The following CRPPA variants were observed in gnomAD, a reference collection of about 807,000 sequenced individuals.
CRPPA encodes the protein D-ribitol-5-phosphate cytidylyltransferase.
CRPPA carries 43 observed loss-of-function variants against 52.0 expected under a neutral mutation model. That is an observed-to-expected ratio of 0.83 (90% confidence interval 0.65 to 1.07). The LOEUF is 1.07. CRPPA is among the 50% of genes least tolerant of loss of function. CRPPA has a pLI of 0.00. For synonymous variants in CRPPA, 250 were observed against 203.5 expected (o/e 1.23, Z -1.94); for missense variants, 629 against 551.7 (o/e 1.14, Z -1.40).
chr7:16,158,485 A>T (rs1783234847), intron 9 of CRPPA, among the ~76,000 whole-genome samples: 1 of 152,156 alleles, frequency 6.6e-6, no homozygotes, highest in Non-Finnish European at 1.5e-5. Flanking sequence ...TATTAATAGA[A>T]CAGGGACAGG....
chr7:16,241,800 T>TA (rs1783114716), intron 8 of CRPPA, among the ~76,000 whole-genome samples: 1 of 152,130 alleles, frequency 6.6e-6, no homozygotes, highest in African/African-American at 2.4e-5. Flanking sequence ...AAAAAACACA[T>TA]ATAGTTCGTT....
chr7:16,128,872 A>C (rs189580119), intron 9 of CRPPA, among the ~76,000 whole-genome samples: 2 of 152,310 alleles, frequency 1.3e-5, no homozygotes, highest in East Asian at 3.9e-4. Flanking sequence ...GAAGAATATA[A>C]TAACAGAAGC....
In CRPPA at chr7:16,137,054, C is replaced by G. The variant is rs1328147414; in HGVS notation, c.1252-45255G>C. On this transcript the variant is annotated intron_variant, in intron 9 of 9. Coordinates refer to ENST00000407010, the MANE Select transcript of CRPPA (RefSeq NM_001101426.4). ...TTTCAACCTTTTTGATGTGGTTAACCACGAGCTATGGGCTCAATATTTGTG... is the reference window on the plus strand; with the variant it reads ...TTTCAACCTTTTTGATGTGGTTAACGACGAGCTATGGGCTCAATATTTGTG... 2.0e-5 allele frequency among the ~76,000 whole-genome samples: 3 copies of G among 152,326 alleles called. No homozygotes were observed. In the East Asian group the frequency reaches 5.8e-4, roughly 29 times the overall value.
intron 9 of CRPPA, among the ~76,000 whole-genome samples, chr7:16,114,197 T>C (rs780192461): frequency 1.3e-5 from 2 of 150,112 alleles, no homozygotes; most frequent in Non-Finnish European, 3.0e-5. Context: ...GAAATTGGAG[T>C]AAAAACAAAG....
In CRPPA at chr7:16,342,772, A is replaced by ATATAT. The variant is rs372907234; in HGVS notation, c.684+33319_684+33320insATATA. 3.3e-4 allele frequency among the ~76,000 whole-genome samples: 12 copies of ATATAT among 36,732 alleles called. 2 individuals are homozygous for ATATAT. Among genetic ancestry groups the ATATAT allele is most frequent in the African/African-American group, 2.2e-3 (12 of 5,438 alleles). The allele number at this position is 36,732 out of a possible 152,430, so 24.1% of individuals were successfully genotyped here. On this transcript the variant is annotated intron_variant, in intron 3 of 9. Coordinates refer to ENST00000407010, the MANE Select transcript of CRPPA (RefSeq NM_001101426.4). ...ATGAACCCTGTCTCCACAAAAAAAA[A>ATATAT]AAAAAAAAAAATATATATATATATA...
At chr7:16,311,340 T>TA (rs946743074) in intron 3 of CRPPA, among the ~76,000 whole-genome samples, 3 of 152,108 alleles carry the variant, frequency 2.0e-5, no homozygotes, top group African/African-American at 7.2e-5. Flanking sequence ...TATCTATACA[T>TA]ACCTCCGGCC....
intron 9 of CRPPA, among the ~76,000 whole-genome samples, chr7:16,163,570 G>A (rs1780968237): frequency 6.6e-6 from 1 of 152,038 alleles, no homozygotes; most frequent in Non-Finnish European, 1.5e-5. Flanking sequence ...GATACTAGCT[G>A]GTTATTTTGC....
At chr7:16,132,569 G>A (rs1188872968) in intron 9 of CRPPA, among the ~76,000 whole-genome samples, 1 of 124,628 alleles carries the variant, frequency 8.0e-6, no homozygotes, top group Admixed American at 8.1e-5. Flanking sequence ...AAGAGATTGA[G>A]TAAATGATTT....
chr7:16,188,328 C>T (rs1781545521), intron 9 of CRPPA, among the ~76,000 whole-genome samples: 1 of 151,806 alleles, frequency 6.6e-6, no homozygotes, highest in African/African-American at 2.4e-5. Context: ...ATGGTGTGAG[C>T]AAAGAGATGA....
intron 3 of CRPPA, among the ~76,000 whole-genome samples, chr7:16,372,526 C>A (rs1412414502): frequency 6.6e-6 from 1 of 152,050 alleles, no homozygotes; most frequent in East Asian, 1.9e-4. Context: ...CAAACCAGCA[C>A]TACAAGAAAT....
At chr7:16,277,025 C>G (rs1470825640) in intron 6 of CRPPA, 1 of 152,128 alleles carries the variant, frequency 6.6e-6, no homozygotes, top group Admixed American at 6.6e-5. Context: ...AATTATAGTT[C>G]AAATGCATTG....
At chr7:16,382,122 G>T (rs1043779261) in intron 2 of CRPPA, among the ~76,000 whole-genome samples, 7 of 152,032 alleles carry the variant, frequency 4.6e-5, no homozygotes, top group Non-Finnish European at 8.8e-5. Flanking sequence ...TTTTGCAGTG[G>T]CTGGTACCGG....
At chr7:16,246,417 T>A (rs1165158717) in intron 8 of CRPPA, among the ~76,000 whole-genome samples, 1 of 152,192 alleles carries the variant, frequency 6.6e-6, no homozygotes, top group Non-Finnish European at 1.5e-5. Context: ...TCCATGAGGT[T>A]TGGATTATGA....
chr7:16,246,428 C>T (rs1783276307), intron 8 of CRPPA, among the ~76,000 whole-genome samples: 2 of 152,106 alleles, frequency 1.3e-5, no homozygotes, highest in South Asian at 4.1e-4. Flanking sequence ...TGGATTATGA[C>T]CCCCCATGAA....
At chr7:16,148,429 T>C (rs1783015291) in intron 9 of CRPPA, among the ~76,000 whole-genome samples, 1 of 152,122 alleles carries the variant, frequency 6.6e-6, no homozygotes, top group Admixed American at 6.5e-5. Flanking sequence ...GTGGTACATA[T>C]ACACAATGGA....
intron 9 of CRPPA, among the ~76,000 whole-genome samples, chr7:16,149,517 T>C (rs1783034728): frequency 6.6e-6 from 1 of 152,122 alleles, no homozygotes; most frequent in South Asian, 2.1e-4. Context: ...ATTGGAAACA[T>C]GAGGAAATGA....
chr7:16,152,148 G>T (rs1175738649), intron 9 of CRPPA, among the ~76,000 whole-genome samples: 1 of 151,864 alleles, frequency 6.6e-6, no homozygotes, highest in Non-Finnish European at 1.5e-5. Context: ...CATTTTAAAA[G>T]TGTAAGAAAA....
chr7:16,390,112 T>C (rs1354605734), intron 2 of CRPPA, among the ~76,000 whole-genome samples: 2 of 151,574 alleles, frequency 1.3e-5, no homozygotes, highest in Admixed American at 6.6e-5. Flanking sequence ...TGGCTTCTAA[T>C]GGCCAATGTC....
At chr7:16,138,175 T>C (rs1782797255) in intron 9 of CRPPA, among the ~76,000 whole-genome samples, 2 of 152,184 alleles carry the variant, frequency 1.3e-5, no homozygotes, top group African/African-American at 4.8e-5. Flanking sequence ...GCTAAAGATA[T>C]TTATGTGAAA....
Sources: allele counts gnomAD v4.1 joint callset (sites outside exome capture counted in the v4.1 genomes callset), GRCh38; gene constraint gnomAD v4.1.1; transcripts MANE v1.5; gene names NCBI Gene and HGNC (gene_info 2026-07-23, HGNC 2026-07-21).